Variants in CTNND2 observed in about 807,000 individuals in gnomAD.
The protein encoded by CTNND2 is catenin delta-2.
Under a neutral mutation model 144.4 loss-of-function variants are expected in CTNND2, and 22 were observed. That is an observed-to-expected ratio of 0.15 (90% CI 0.11 to 0.22). The LOEUF (loss-of-function observed/expected upper bound fraction) is 0.22. CTNND2 is among the 10% of genes least tolerant of loss of function. The pLI is 1.00. For synonymous variants in CTNND2, 751 were observed against 695.6 expected (o/e 1.08, Z -1.25); for missense variants, 1,353 against 1,618.8 (o/e 0.84, Z 2.82).
intron 8 of CTNND2, among the ~76,000 whole-genome samples, chr5:11,360,023 T>A (rs1226418804): frequency 6.6e-6 from 1 of 152,292 alleles, no homozygotes; most frequent in African/African-American, 2.4e-5. Context: ...TCTAACATTA[T>A]GGCTAGGTAG....
chr5:11,304,606 C>T (rs967413098), intron 9 of CTNND2, among the ~76,000 whole-genome samples: 2 of 152,182 alleles, frequency 1.3e-5, no homozygotes, highest in South Asian at 4.1e-4. Context: ...GGACAAGGAA[C>T]AGTGGTGGGA....
chr5:11,330,949 C>T (rs1306685374), intron 9 of CTNND2, among the ~76,000 whole-genome samples: 11 of 152,236 alleles, frequency 7.2e-5, no homozygotes. Context: ...TTGTCTGTTA[C>T]TTTCAAGCTG....
chr5:11,241,023 C>T (rs1276450558), intron 9 of CTNND2, among the ~76,000 whole-genome samples: 1 of 149,396 alleles, frequency 6.7e-6, no homozygotes, highest in Non-Finnish European at 1.5e-5. Flanking sequence ...ACACCCAACA[C>T]ACACACCCAC....
In CTNND2 at chr5:10,988,977, C is replaced by T. The variant is rs1425803933; in HGVS notation, c.3212-735G>A. On this transcript the variant is annotated intron_variant, in intron 19 of 21. Coordinates refer to ENST00000304623, the MANE Select transcript of CTNND2 (RefSeq NM_001332.4). The surrounding 1 kb of genome is among the most constrained non-coding windows in gnomAD (Gnocchi z 5.9). ...TGTCTGGCTGGGAGGCTGAGCCCTGCCGTTCCTCTTACACCCATTTCTAAA... is the reference window on the plus strand; with the variant it reads ...TGTCTGGCTGGGAGGCTGAGCCCTGTCGTTCCTCTTACACCCATTTCTAAA... Among the ~76,000 whole-genome samples, 1 of 152,188 alleles carries T rather than the reference C, an allele frequency of 6.6e-6. No individual in the cohort carries two copies. The highest frequency in any genetic ancestry group is 1.5e-5 in the Non-Finnish European group (1 of 68,032).
rs536835909 is a variant in CTNND2 at position 11,332,924 on chromosome 5, C to T, written c.1628+13448G>A. ...CTTTCGTTCATTCTGTCTTACCTGC[C>T]GCCACGTAGGACATGCCTTTCACGT... is the stretch of plus-strand genomic sequence containing the variant. On this transcript the variant is annotated intron_variant, in intron 9 of 21. Transcript: ENST00000304623. Among the ~76,000 whole-genome samples, 11 of 152,282 alleles carry T rather than the reference C, an allele frequency of 7.2e-5. No homozygotes were observed. The East Asian group carries it at 2.1e-3, about 29-fold the overall frequency.
At chr5:11,513,982 C>A (rs981158077) in intron 3 of CTNND2, among the ~76,000 whole-genome samples, 16 of 151,974 alleles carry the variant, frequency 1.1e-4, no homozygotes, top group African/African-American at 3.9e-4. Flanking sequence ...AGAAATGGGC[C>A]AGCCTGGGCA....
At chr5:11,074,269 T>C (rs183183074) in intron 16 of CTNND2, among the ~76,000 whole-genome samples, 4 of 152,094 alleles carry the variant, frequency 2.6e-5, no homozygotes, top group East Asian at 3.9e-4. Context: ...AGAAAACACA[T>C]GGGTATCTAT....
At chr5:11,152,288 C>T (rs532209372) in intron 12 of CTNND2, among the ~76,000 whole-genome samples, 2 of 152,288 alleles carry the variant, frequency 1.3e-5, no homozygotes, top group African/African-American at 4.8e-5. Context: ...CTTCTATTTG[C>T]CACTAAGTGC....
At chr5:11,850,741 T>C (rs568587531) in intron 1 of CTNND2, among the ~76,000 whole-genome samples, 29 of 152,338 alleles carry the variant, frequency 1.9e-4, no homozygotes, top group Admixed American at 3.3e-4. Context: ...AAGTTTCTAT[T>C]TGAAGTACAT....
intron 1 of CTNND2, among the ~76,000 whole-genome samples, chr5:11,792,166 T>C (rs1791167982): frequency 6.6e-6 from 1 of 152,194 alleles, no homozygotes; most frequent in Admixed American, 6.5e-5. Flanking sequence ...AATGAGAGAA[T>C]GCCTGCCAAA....
chr5:11,492,208 C>A (rs534356025), intron 3 of CTNND2, among the ~76,000 whole-genome samples: 1 of 152,116 alleles, frequency 6.6e-6, no homozygotes, highest in African/African-American at 2.4e-5. Context: ...GGCAGGTAAA[C>A]GGCATTTTAC....
chr5:11,242,106 T>A (rs552413940), intron 9 of CTNND2, among the ~76,000 whole-genome samples: 4 of 152,258 alleles, frequency 2.6e-5, no homozygotes, highest in South Asian at 2.1e-4. Context: ...TACAAAAAAA[T>A]CTGAACCTGG....
chr5:11,126,562 A>G (rs971103936), intron 12 of CTNND2, among the ~76,000 whole-genome samples: 1 of 152,212 alleles, frequency 6.6e-6, no homozygotes, highest in East Asian at 1.9e-4. Context: ...TGATGAGAGT[A>G]CCTGGCTTGT....
At chr5:11,106,144 A>G (rs1194664908) in intron 14 of CTNND2, among the ~76,000 whole-genome samples, 1 of 152,184 alleles carries the variant, frequency 6.6e-6, no homozygotes, top group African/African-American at 2.4e-5. Flanking sequence ...ATTAAGATAA[A>G]TTCTGGTTTG....
At chr5:11,231,159 G>A (rs1278337544) in intron 10 of CTNND2, among the ~76,000 whole-genome samples, 2 of 152,138 alleles carry the variant, frequency 1.3e-5, no homozygotes, top group Non-Finnish European at 2.9e-5. Context: ...GTGAAAAGGT[G>A]CCTTCTGCCA....
intron 1 of CTNND2, among the ~76,000 whole-genome samples, chr5:11,862,751 C>G (rs1360057930): frequency 6.6e-6 from 1 of 152,130 alleles, no homozygotes; most frequent in Non-Finnish European, 1.5e-5. Context: ...AATTTATCTC[C>G]TTTGAGACAT....
chr5:11,593,024 G>GA (rs1484163982), intron 2 of CTNND2, among the ~76,000 whole-genome samples: 3 of 151,242 alleles, frequency 2.0e-5, no homozygotes, highest in Non-Finnish European at 4.4e-5. Context: ...TTCACCTGTT[G>GA]AAAAAAAATG....
At chr5:11,595,803 A>G (rs1313236232) in intron 2 of CTNND2, among the ~76,000 whole-genome samples, 1 of 152,216 alleles carries the variant, frequency 6.6e-6, no homozygotes, top group Non-Finnish European at 1.5e-5. Context: ...ATACACAACG[A>G]CAACGATTGC....
At chr5:11,121,469 C>T (rs534207687) in intron 12 of CTNND2, among the ~76,000 whole-genome samples, 1 of 152,224 alleles carries the variant, frequency 6.6e-6, no homozygotes, top group African/African-American at 2.4e-5. Context: ...ATATCTCATC[C>T]TTATTAGTAA....
Sources: gnomAD v4.1 joint callset for allele counts (sites outside exome capture counted in the v4.1 genomes callset) on GRCh38, gnomAD v4.1.1 for gene constraint, Gnocchi (gnomAD v3.1) non-coding constraint, MANE v1.5 for transcripts, NCBI Gene and HGNC (gene_info 2026-07-23, HGNC 2026-07-21) for gene names.